PTPRF: variants seen among roughly 807,000 people sequenced by gnomAD.
The protein encoded by PTPRF is protein tyrosine phosphatase receptor type F, also known as receptor-type tyrosine-protein phosphatase F.
In PTPRF, 59 loss-of-function variants were observed where a neutral mutation model predicts 201.8. That is an observed-to-expected ratio of 0.29 (90% CI 0.24 to 0.36). The LOEUF (loss-of-function observed/expected upper bound fraction) is 0.36. Among genes scored for constraint, PTPRF ranks in the 10% least tolerant of loss-of-function variants. The pLI is 1.00. For synonymous variants in PTPRF, 1,088 were observed against 1,089.7 expected (o/e 1.00, Z 0.03); for missense variants, 2,132 against 2,690.5 (o/e 0.79, Z 4.59).
rs1397867455 is a variant in PTPRF, at chr1:43,619,547, G to A, written c.4906G>A (p.Val1636Met). ...KLGQVPPGES[V>M]TAMELEFKLL... The stretch of plus-strand genomic sequence containing the variant: ...GGGCCAAGTGCCTCCAGGGGAGAGT[G>A]TGACCGCCATGGAGCTCGAGTTCAA... The change falls in exon 28 of 34, where the codon GTG (valine) becomes ATG (methionine). Residue 1636 changes from valine to methionine, a missense_variant. By Grantham distance (21) the Val-to-Met change is conservative (BLOSUM62 1). Coordinates refer to ENST00000359947, the MANE Select transcript of PTPRF (RefSeq NM_002840.5). 1.9e-6 allele frequency: 3 copies of A among 1,613,284 alleles called. No individual in the cohort carries two copies. Among genetic ancestry groups the A allele is most frequent in the Non-Finnish European group, 2.5e-6 (3 of 1,179,476 alleles).
At chr1:43,524,581 T>G (rs532402100), upstream of PTPRF, among the ~76,000 whole-genome samples, 2 of 151,708 alleles carry the variant, frequency 1.3e-5, no homozygotes, top group East Asian at 3.9e-4. Context: ...ATGGCTCCAG[T>G]TGAAGGTTGG....
intron 8 of PTPRF, among the ~76,000 whole-genome samples, chr1:43,590,411 G>A (rs969505646): frequency 6.6e-6 from 1 of 152,152 alleles, no homozygotes; most frequent in African/African-American, 2.4e-5. Flanking sequence ...GCATTGAGTG[G>A]GTGCTTGTTA....
chr1:43,612,582 G>A (rs1656708061), intron 22 of PTPRF, among the ~76,000 whole-genome samples: 1 of 152,088 alleles, frequency 6.6e-6, no homozygotes, highest in South Asian at 2.1e-4. Context: ...GAGACAGAAG[G>A]AGCCTTGACG....
At chr1:43,557,004 C>G (rs1645421998) in intron 5 of PTPRF, among the ~76,000 whole-genome samples, 1 of 152,248 alleles carries the variant, frequency 6.6e-6, no homozygotes, top group African/African-American at 2.4e-5. Flanking sequence ...CACTTCTGAC[C>G]TGTTTCCCCA....
chr1:43,549,989 C>G (rs1363590560), intron 3 of PTPRF, among the ~76,000 whole-genome samples: 1 of 152,174 alleles, frequency 6.6e-6, no homozygotes, highest in Non-Finnish European at 1.5e-5. Context: ...TCTGTGCTCC[C>G]CAAAGATCCT....
rs980438040 is a variant in PTPRF, at chr1:43,537,176, A to G, written c.-125-1022A>G. Among the ~76,000 whole-genome samples, 2 of 152,076 alleles carry G rather than the reference A, an allele frequency of 1.3e-5. No homozygotes were observed. Among genetic ancestry groups the G allele is most frequent in the Admixed American group, 1.3e-4 (2 of 15,262 alleles). ...TTCCGTGAAGTGGTGATGAGGTGGTATGGGTGTGTCTGACCCCCACCCCCA... is the reference window on the plus strand; with the variant it reads ...TTCCGTGAAGTGGTGATGAGGTGGTGTGGGTGTGTCTGACCCCCACCCCCA... On this transcript the variant is annotated intron_variant, in intron 1 of 33. Coordinates refer to ENST00000359947, the MANE Select transcript of PTPRF (RefSeq NM_002840.5). The surrounding 1 kb of genome is among the most constrained non-coding windows in gnomAD (Gnocchi z 4.8).
chr1:43,532,944 G>A (rs1389760952), intron 1 of PTPRF, among the ~76,000 whole-genome samples: 7 of 152,176 alleles, frequency 4.6e-5, no homozygotes, highest in South Asian at 2.1e-4. Context: ...CCCGCATGCC[G>A]GCCAGGGCTC....
intron 7 of PTPRF, among the ~76,000 whole-genome samples, chr1:43,581,445 T>C (rs894761936): frequency 3.3e-5 from 5 of 151,772 alleles, no homozygotes; most frequent in Admixed American, 3.3e-4. Flanking sequence ...TAGACCCTAA[T>C]TGAATCTACA....
upstream of PTPRF, among the ~76,000 whole-genome samples, chr1:43,527,873 A>G (rs1643185335): frequency 6.6e-6 from 1 of 152,262 alleles, no homozygotes; most frequent in Non-Finnish European, 1.5e-5. Context: ...AGACTTGGTC[A>G]GGGAGCTGTT....
Position 43,603,204 on chromosome 1 carries a change from C to G in PTPRF, c.2341-212C>G, listed in dbSNP as rs1011690233. On this transcript the variant is annotated intron_variant, in intron 14 of 33. Transcript: ENST00000359947. This position sits in a 1 kb window ranked among gnomAD's most constrained non-coding sequence, Gnocchi z 5.8. ...TAATGAGCTGTCTGCCCCAGGCGTGCGGCTCCTGGGATGGGCGGGGTCCTC... is the reference window on the plus strand; with the variant it reads ...TAATGAGCTGTCTGCCCCAGGCGTGGGGCTCCTGGGATGGGCGGGGTCCTC... Among the ~76,000 whole-genome samples, 2 of 152,134 alleles carry G rather than the reference C, an allele frequency of 1.3e-5. No individual in the cohort carries two copies. The highest frequency in any genetic ancestry group is 1.9e-4 in the East Asian group (1 of 5,192).
chr1:43,600,973 G>A (rs542799253), intron 13 of PTPRF, among the ~76,000 whole-genome samples: 5 of 152,280 alleles, frequency 3.3e-5, no homozygotes, highest in African/African-American at 9.6e-5. Context: ...AGGTCTCCCC[G>A]CAGGCAAGGA....
chr1:43,598,159 C>CT, intron 12 of PTPRF, 106 bp downstream of exon 12: 1 of 1,207,210 alleles, frequency 8.3e-7, no homozygotes, highest in Non-Finnish European at 1.1e-6. Flanking sequence ...GTCAACTCAT[C>CT]TTTCTGGTTC....
upstream of PTPRF, among the ~76,000 whole-genome samples, chr1:43,529,978 T>G (rs1177974313): frequency 6.6e-6 from 1 of 151,974 alleles, no homozygotes; most frequent in Admixed American, 6.6e-5. Context: ...AGTCTCTGCT[T>G]GGGGTTGACA....
rs950352564 is a variant in PTPRF, at chr1:43,537,782, C to A, written c.-125-416C>A. Among the ~76,000 whole-genome samples, 1 of 152,168 alleles carries A rather than the reference C, an allele frequency of 6.6e-6. No homozygotes were observed. The highest frequency in any genetic ancestry group is 2.4e-5 in the African/African-American group (1 of 41,438). On this transcript the variant is annotated intron_variant, in intron 1 of 33. Transcript: ENST00000359947. This position sits in a 1 kb window ranked among gnomAD's most constrained non-coding sequence, Gnocchi z 4.8. ...CTGGGAGACAGGAAGAAATTTGGCA[C>A]ATTTGAGGATCAGAAGAGGAAGTTC...
intron 8 of PTPRF, among the ~76,000 whole-genome samples, chr1:43,590,581 G>C (rs998567592): frequency 6.6e-6 from 1 of 152,180 alleles, no homozygotes. Context: ...TTTCCACCAG[G>C]TGGGCTCAGG....
In PTPRF at chr1:43,554,006, C is replaced by A. The variant is rs1645192018; in HGVS notation, c.379+65C>A. 5 of 1,590,622 alleles carry A rather than the reference C, an allele frequency of 3.1e-6. No individual in the cohort carries two copies. In the East Asian group the frequency reaches 1.1e-4, roughly 36 times the overall value. ...TGAGGCGTGGGAAGAGCCAGCCAGC[C>A]CTGATCCTGTCCTGGGCCCATGTGC... On this transcript the variant is annotated intron_variant, in intron 5 of 33. Transcript: ENST00000359947. The surrounding 1 kb of genome is among the most constrained non-coding windows in gnomAD (Gnocchi z 4.1).
In PTPRF at chr1:43,621,223, G is replaced by A; in HGVS notation, c.5646G>A (p.Val1882=). The A allele has an allele frequency of 6.2e-7, 1 of 1,614,102 alleles. No homozygotes were observed. Reference sequence around the variant, plus strand: ...TGCGTACACAGCGTCCTGCCATGGTGCAGACAGAGGTAACGCAGACCAGGC... The same window carrying A: ...TGCGTACACAGCGTCCTGCCATGGTACAGACAGAGGTAACGCAGACCAGGC... ...KTLRTQRPAM[V]QTEDQYQLCY... is the part of the protein sequence containing the mutation. Residue 1882 remains valine, a synonymous_variant, in exon 33 of 34, where the codon GTG becomes GTA. Transcript: ENST00000359947.
At chr1:43,615,617 A>T (rs1657638868) in intron 23 of PTPRF, among the ~76,000 whole-genome samples, 1 of 124,260 alleles carries the variant, frequency 8.0e-6, no homozygotes, top group Admixed American at 1.0e-4. Context: ...TCCAGGCTGG[A>T]GTGCAGTGGC....
At chr1:43,572,201 T>C (rs1022348072) in intron 6 of PTPRF, among the ~76,000 whole-genome samples, 3 of 152,236 alleles carry the variant, frequency 2.0e-5, no homozygotes, top group African/African-American at 7.2e-5. Flanking sequence ...AGCTAGGCCT[T>C]GCAGGGAGGG....
Sources: allele counts gnomAD v4.1 joint callset (sites outside exome capture counted in the v4.1 genomes callset), GRCh38; gene constraint gnomAD v4.1.1; non-coding constraint Gnocchi (gnomAD v3.1); transcripts MANE v1.5; gene names NCBI Gene and HGNC (gene_info 2026-07-23, HGNC 2026-07-21).